The following TNFRSF10B variants were observed in gnomAD, a reference collection of about 807,000 sequenced individuals.
TNFRSF10B encodes the protein tumor necrosis factor receptor superfamily member 10B.
TNFRSF10B carries 35 observed loss-of-function variants against 41.4 expected under a neutral mutation model. That is an observed-to-expected ratio of 0.85 (90% CI 0.65 to 1.12). TNFRSF10B has a LOEUF of 1.12. TNFRSF10B is among the 50% of genes most tolerant of loss of function. TNFRSF10B has a pLI of 0.00. For synonymous variants in TNFRSF10B, 230 were observed against 215.5 expected (o/e 1.07, Z -0.59); for missense variants, 584 against 552.7 (o/e 1.06, Z -0.57).
intron 1 of TNFRSF10B, among the ~76,000 whole-genome samples, chr8:23,052,331 G>C (rs1350539162): frequency 7.1e-6 from 1 of 141,612 alleles, no homozygotes; most frequent in African/African-American, 2.7e-5. Context: ...TGTCACCCAG[G>C]CTGGAGTGCA....
At position 23,068,982 on chromosome 8, in the gene TNFRSF10B, G is replaced by A. The variant is rs1005056875; in HGVS notation, c.-88C>T. ...GGCATCGTCGGTGTATTTTGTGGGC[G>A]CAGAGATTGCGGGGTTCTCCGGCCG... On this transcript the variant is annotated 5_prime_UTR_variant, in exon 1 of 9. Transcript: ENST00000276431. 1.9e-6 allele frequency: 3 copies of A among 1,601,094 alleles called. No homozygotes were observed. Among genetic ancestry groups the A allele is most frequent in the Non-Finnish European group, 2.6e-6 (3 of 1,172,280 alleles).
chr8:23,051,823 G>A (rs1316458376), intron 1 of TNFRSF10B, among the ~76,000 whole-genome samples: 2 of 152,140 alleles, frequency 1.3e-5, no homozygotes, highest in African/African-American at 4.8e-5. Context: ...GATTACAGGC[G>A]TGAGCCACCG....
In TNFRSF10B at chr8:23,028,596, G is replaced by T. The variant is rs1283988089; in HGVS notation, c.483C>A (p.Pro161=). 1 of 1,614,016 alleles carries T rather than the reference G, an allele frequency of 6.2e-7. No individual in the cohort carries two copies. The highest frequency in any genetic ancestry group is 1.7e-5 in the Admixed American group (1 of 59,996). ...EMCRKCRTGC[P]RGMVKVGDCT... is the part of the protein sequence containing the mutation. ...AATCACCGACCTTGACCATCCCTCTGGGACACCTGGGTACACACACAGAGG... is the reference window on the plus strand; with the variant it reads ...AATCACCGACCTTGACCATCCCTCTTGGACACCTGGGTACACACACAGAGG... The change falls in exon 5 of 9, where the codon CCC becomes CCA. Residue 161 remains proline (P), a synonymous_variant. Transcript: ENST00000276431.
intron 2 of TNFRSF10B, among the ~76,000 whole-genome samples, chr8:23,042,148 C>T (rs1432036767): frequency 6.6e-6 from 1 of 152,162 alleles, no homozygotes; most frequent in African/African-American, 2.4e-5. Flanking sequence ...GCTTCCTGGT[C>T]TTGACCCTGG....
intron 1 of TNFRSF10B, among the ~76,000 whole-genome samples, chr8:23,061,088 C>A (rs1455040478): frequency 6.6e-6 from 1 of 152,134 alleles, no homozygotes; most frequent in Non-Finnish European, 1.5e-5. Flanking sequence ...CTTAAGACAT[C>A]CTGATATCCC....
At chr8:23,061,874 C>T (rs982751414) in intron 1 of TNFRSF10B, among the ~76,000 whole-genome samples, 6 of 152,126 alleles carry the variant, frequency 3.9e-5, no homozygotes, top group African/African-American at 7.2e-5. Flanking sequence ...TCTTGCATTC[C>T]GGAAATAAAT....
intron 3 of TNFRSF10B, among the ~76,000 whole-genome samples, chr8:23,030,089 G>C (rs937563440): frequency 6.6e-6 from 1 of 152,178 alleles, no homozygotes; most frequent in East Asian, 1.9e-4. Context: ...GCCTGCTGGG[G>C]AGGAGGGAGA....
At chr8:23,065,981 A>C (rs1413398886) in intron 1 of TNFRSF10B, among the ~76,000 whole-genome samples, 2 of 152,150 alleles carry the variant, frequency 1.3e-5, no homozygotes, top group Non-Finnish European at 1.5e-5. Context: ...AAAACAAAAA[A>C]CACCACCACC....
chr8:23,065,615 G>A (rs1381319795), intron 1 of TNFRSF10B, among the ~76,000 whole-genome samples: 1 of 152,160 alleles, frequency 6.6e-6, no homozygotes, highest in African/African-American at 2.4e-5. Context: ...TATAACTTTA[G>A]TAGTTAACTA....
intron 2 of TNFRSF10B, among the ~76,000 whole-genome samples, chr8:23,036,792 G>A (rs1401609676): frequency 1.3e-5 from 2 of 152,188 alleles, no homozygotes; most frequent in Non-Finnish European, 2.9e-5. Flanking sequence ...GTAGTGAGCC[G>A]AGGTCGCCCC....
chr8:23,068,790 G>T lies in TNFRSF10B; in HGVS notation c.105C>A (p.Pro35=). The T allele has an allele frequency of 1.9e-6, 3 of 1,607,444 alleles. No homozygotes were observed. The highest frequency in any genetic ancestry group is 2.5e-6 in the Non-Finnish European group (3 of 1,177,432). ...ARGARPGPRV[P]KTLVLVVAAV... ...CGGCGACAACGAGCACAAGGGTCTT[G>T]GGGACCCGGGGCCCAGGCCTGGCTC... is the stretch of plus-strand genomic sequence containing the variant. The change falls in exon 1 of 9, where the codon CCC becomes CCA. Residue 35 remains proline, a synonymous_variant. Transcript: ENST00000276431.
At chr8:23,053,714 G>C (rs1192118211) in intron 1 of TNFRSF10B, among the ~76,000 whole-genome samples, 1 of 152,134 alleles carries the variant, frequency 6.6e-6, no homozygotes, top group Non-Finnish European at 1.5e-5. Context: ...CATTAAAATT[G>C]GGTAAATGTG....
Position 23,020,560 on chromosome 8 carries a change from C to T in TNFRSF10B, c.*2111G>A, listed in dbSNP as rs1283711530. 2.0e-5 allele frequency: 9 copies of T among 445,322 alleles called. No individual in the cohort carries two copies. Among genetic ancestry groups the T allele is most frequent in the Non-Finnish European group, 3.2e-5 (7 of 221,502 alleles). The allele number at this position is 445,322 out of a possible 1,614,324, so 27.6% of individuals were successfully genotyped here. On this transcript the variant is annotated 3_prime_UTR_variant, in exon 9 of 9. Coordinates refer to ENST00000276431, the MANE Select transcript of TNFRSF10B (RefSeq NM_003842.5). ...TACAAAAATTAGCCAGGCGTGGTGG[C>T]GGGTGCCTGCAATCCCAGCTACTCC...
chr8:23,038,121 G>A (rs142181239), intron 2 of TNFRSF10B, among the ~76,000 whole-genome samples: 1 of 152,182 alleles, frequency 6.6e-6, no homozygotes, highest in Non-Finnish European at 1.5e-5. Context: ...GAAATTGAAG[G>A]GAAAATTGGA....
At chr8:23,032,055 C>T (rs543894329) in intron 2 of TNFRSF10B, among the ~76,000 whole-genome samples, 57 of 152,006 alleles carry the variant, frequency 3.7e-4, no homozygotes, top group African/African-American at 1.3e-3. Context: ...TACAGGCACC[C>T]ACCACCGCAC....
intron 1 of TNFRSF10B, among the ~76,000 whole-genome samples, chr8:23,058,448 T>A (rs1812732144): frequency 6.6e-6 from 1 of 152,176 alleles, no homozygotes; most frequent in Non-Finnish European, 1.5e-5. Flanking sequence ...ATATTTAATG[T>A]TAATTGAGTA....
At chr8:23,050,340 TG>T (rs2128818082) in intron 1 of TNFRSF10B, among the ~76,000 whole-genome samples, 1 of 152,244 alleles carries the variant, frequency 6.6e-6, no homozygotes, top group South Asian at 2.1e-4. Context: ...AACTTGAAAA[TG>T]GGAAGTATTG....
At chr8:23,045,699 G>A (rs1335311346) in intron 1 of TNFRSF10B, among the ~76,000 whole-genome samples, 1 of 152,134 alleles carries the variant, frequency 6.6e-6, no homozygotes, top group East Asian at 1.9e-4. Flanking sequence ...TAAAATACCA[G>A]TAGACCAAAT....
chr8:23,028,678 T>G (rs1811786525), intron 4 of TNFRSF10B, 76 bp from the exon 5 acceptor site: 2 of 1,566,176 alleles, frequency 1.3e-6, no homozygotes, highest in South Asian at 1.1e-5. Context: ...GGAGCCACCC[T>G]CCCTCCCCAG....
Sources: allele counts gnomAD v4.1 joint callset (sites outside exome capture counted in the v4.1 genomes callset), GRCh38; gene constraint gnomAD v4.1.1; transcripts MANE v1.5; gene names NCBI Gene and HGNC (gene_info 2026-07-23, HGNC 2026-07-21).